The following BLOC1S5 variants were observed in gnomAD, a reference collection of about 807,000 sequenced individuals.
BLOC1S5 encodes biogenesis of lysosome-related organelles complex 1 subunit 5.
BLOC1S5 carries 27 observed loss-of-function variants against 24.3 expected under a neutral mutation model. The ratio of observed to expected loss-of-function variants is 1.11; its 90% CI spans 0.82 to 1.53. The LOEUF (loss-of-function observed/expected upper bound fraction) is 1.53. Ranked by LOEUF, BLOC1S5 falls within the 40% of genes most tolerant of loss-of-function variation. BLOC1S5 has a pLI of 0.00. For synonymous variants in BLOC1S5, 84 were observed against 74.5 expected (o/e 1.13, Z -0.66); for missense variants, 239 against 229.4 (o/e 1.04, Z -0.27).
intron 4 of BLOC1S5, chr6:8,018,097 C>T (rs1430805259): frequency 6.6e-6 from 1 of 152,200 alleles, no homozygotes; most frequent in Non-Finnish European, 1.5e-5. Context: ...GGGATCTGAA[C>T]AGATATTACA....
intron 3 of BLOC1S5, among the ~76,000 whole-genome samples, chr6:8,032,575 G>T (rs992509738): frequency 2.6e-5 from 4 of 152,278 alleles, no homozygotes; most frequent in Middle Eastern, 3.4e-3. Context: ...ACAAGACAAG[G>T]ACGCCCTCTC....
At chr6:8,057,522 G>C (rs989303911) in intron 2 of BLOC1S5, among the ~76,000 whole-genome samples, 1 of 152,220 alleles carries the variant, frequency 6.6e-6, no homozygotes, top group African/African-American at 2.4e-5. Flanking sequence ...GAAAATGAGA[G>C]ACTGACATAA....
intron 2 of BLOC1S5, among the ~76,000 whole-genome samples, chr6:8,047,925 CACAT>C (rs1462787188): frequency 6.6e-6 from 1 of 152,200 alleles, no homozygotes; most frequent in African/African-American, 2.4e-5. Flanking sequence ...GAGTAATGTT[CACAT>C]ACAAAAGGCA....
At chr6:8,043,616 C>G (rs1483320803) in intron 2 of BLOC1S5, among the ~76,000 whole-genome samples, 2 of 152,160 alleles carry the variant, frequency 1.3e-5, no homozygotes, top group African/African-American at 2.4e-5. Flanking sequence ...AGATGAGATT[C>G]TGGAACAGAA....
chr6:8,053,702 C>G (rs1764211483), intron 2 of BLOC1S5, among the ~76,000 whole-genome samples: 1 of 152,056 alleles, frequency 6.6e-6, no homozygotes, highest in Admixed American at 6.6e-5. Context: ...TGAAATATAC[C>G]AATATATTGT....
intron 2 of BLOC1S5, among the ~76,000 whole-genome samples, chr6:8,057,738 A>C (rs906801941): frequency 6.6e-6 from 1 of 152,222 alleles, no homozygotes; most frequent in Non-Finnish European, 1.5e-5. Context: ...AATTTAACCC[A>C]CATTAGAATT....
chr6:8,022,685 C>T lies in BLOC1S5; in HGVS notation c.384+3682G>A, dbSNP rs986953915. ...CTGCAAGCTCCGCCTCCCGGGTTCA[C>T]GCCATTCTCCTGCCTCAGCCTCCCA... On this transcript the variant is annotated intron_variant, in intron 4 of 4. Transcript: ENST00000397457. 2.2e-5 allele frequency among the ~76,000 whole-genome samples: 3 copies of T among 139,054 alleles called. 1 individual carries two copies. The highest frequency in any genetic ancestry group is 4.5e-5 in the Non-Finnish European group (3 of 66,386). The allele number at this position is 139,054 out of a possible 152,430, so 91.2% of individuals were successfully genotyped here.
chr6:8,057,068 A>C (rs886630762), intron 2 of BLOC1S5, among the ~76,000 whole-genome samples: 1 of 152,058 alleles, frequency 6.6e-6, no homozygotes, highest in African/African-American at 2.4e-5. Context: ...AAAAATACAA[A>C]ATTAGCTGGA....
At position 8,041,045 on chromosome 6, in the gene BLOC1S5, C is replaced by T. The variant is rs891185576; in HGVS notation, c.325+94G>A. On this transcript the variant is annotated intron_variant, in intron 3 of 4. Coordinates refer to ENST00000397457, the MANE Select transcript of BLOC1S5 (RefSeq NM_201280.3). ...TTCTCTGTAACTGAGCTTCCCTCTC[C>T]CTCTCCACCTCCCCCCATAATACCC... is the stretch of plus-strand genomic sequence containing the variant. 4.3e-6 allele frequency: 6 copies of T among 1,387,992 alleles called. No homozygotes were observed. In the African/African-American group the frequency reaches 7.3e-5, roughly 17 times the overall value. 86.0% of individuals were successfully genotyped at this position (1,387,992 alleles called of 1,614,324 possible).
chr6:8,026,224 T>C, intron 4 of BLOC1S5, 143 bp downstream of exon 4: 1 of 635,278 alleles, frequency 1.6e-6, no homozygotes, highest in Non-Finnish European at 2.7e-6. Context: ...CCACACCTCC[T>C]CAACACATCT....
chr6:8,050,931 A>G (rs1039613070), intron 2 of BLOC1S5, among the ~76,000 whole-genome samples: 2 of 152,006 alleles, frequency 1.3e-5, no homozygotes, highest in African/African-American at 4.8e-5. Context: ...GAAGGAAATT[A>G]AAAATGTTAT....
At chr6:8,040,568 C>T (rs920357792) in intron 3 of BLOC1S5, among the ~76,000 whole-genome samples, 1 of 152,072 alleles carries the variant, frequency 6.6e-6, no homozygotes, top group Non-Finnish European at 1.5e-5. Flanking sequence ...AGTCAAGAAC[C>T]GAGATTCCTG....
At chr6:8,016,773 C>T (rs527680736) in intron 4 of BLOC1S5, among the ~76,000 whole-genome samples, 3 of 148,814 alleles carry the variant, frequency 2.0e-5, no homozygotes, top group Admixed American at 6.8e-5. Flanking sequence ...CCCAGCTACT[C>T]GGGAAACTGA....
At chr6:8,033,673 C>G (rs1180946174) in intron 3 of BLOC1S5, among the ~76,000 whole-genome samples, 1 of 152,058 alleles carries the variant, frequency 6.6e-6, no homozygotes, top group Admixed American at 6.5e-5. Flanking sequence ...AAAGAAACTA[C>G]CATCAGAGTG....
intron 2 of BLOC1S5, 104 bp downstream of exon 2, chr6:8,062,430 C>G (rs1047571246): frequency 1.4e-6 from 1 of 702,752 alleles, no homozygotes; most frequent in Non-Finnish European, 2.3e-6. Context: ...ATTTTATGAA[C>G]ACATGAACTA....
intron 2 of BLOC1S5, among the ~76,000 whole-genome samples, chr6:8,051,897 C>T (rs533944847): frequency 5.3e-4 from 81 of 151,980 alleles, no homozygotes; most frequent in African/African-American, 1.9e-3. Context: ...AATGACAATA[C>T]ACCTGGTTAC....
In BLOC1S5 at chr6:8,041,267, T is replaced by C; in HGVS notation, c.197A>G (p.Glu66Gly). Residue 66 changes from glutamate to glycine, a missense_variant and splice_region_variant, in exon 3 of 5, where the codon GAA becomes GGA. Transcript: ENST00000397457. ...TCGCATTTCTCGAAGACCACGTTTTTCCTATTAAAAGAAAGTAGATGACTA... is the reference window on the plus strand; with the variant it reads ...TCGCATTTCTCGAAGACCACGTTTTCCCTATTAAAAGAAAGTAGATGACTA... Reference protein sequence around the residue: ...ETRYFVKEFEEKRGLREMRVL... With the variant: ...ETRYFVKEFEGKRGLREMRVL... The C allele has an allele frequency of 6.2e-7, 1 of 1,604,722 alleles. No homozygotes were observed. The highest frequency in any genetic ancestry group is 8.5e-7 in the Non-Finnish European group (1 of 1,176,064).
intron 2 of BLOC1S5, among the ~76,000 whole-genome samples, chr6:8,057,329 G>T (rs13207958): frequency 0.14 from 20,953 of 152,208 alleles, 1,785 homozygotes; most frequent in South Asian, 0.27. Context: ...ACCATCTGGT[G>T]TGCGTTTGTT....
chr6:8,055,414 G>A (rs1764273434), intron 2 of BLOC1S5, among the ~76,000 whole-genome samples: 1 of 152,178 alleles, frequency 6.6e-6, no homozygotes, highest in Non-Finnish European at 1.5e-5. Flanking sequence ...CAGCCCGGGA[G>A]AAGAGTAAGA....
Sources: gnomAD v4.1 joint callset for allele counts (sites outside exome capture counted in the v4.1 genomes callset) on GRCh38, gnomAD v4.1.1 for gene constraint, MANE v1.5 for transcripts, NCBI Gene and HGNC (gene_info 2026-07-23, HGNC 2026-07-21) for gene names.